The following TIPARP variants were observed in gnomAD, a reference collection of about 807,000 sequenced individuals.
TIPARP encodes the protein protein mono-ADP-ribosyltransferase TIPARP.
TIPARP carries 12 observed loss-of-function variants against 56.5 expected under a neutral mutation model. The ratio of observed to expected loss-of-function variants is 0.21; its 90% confidence interval spans 0.14 to 0.34. The LOEUF (loss-of-function observed/expected upper bound fraction) is 0.34, where lower values mean the gene tolerates loss of function less well. Ranked by LOEUF, TIPARP falls within the 10% of genes least tolerant of loss-of-function variation. The pLI, the probability that TIPARP is intolerant of heterozygous loss-of-function variation, is 1.00. For synonymous variants in TIPARP, 296 were observed against 265.7 expected, an observed-to-expected ratio of 1.11 and a Z score of -1.11; for missense variants, 604 against 781.6, an observed-to-expected ratio of 0.77 and a Z score of 2.71.
rs767237258 is a variant in TIPARP at position 156,678,633 on chromosome 3, T to A, written c.917+19T>A. The A allele has an allele frequency of 3.1e-6, 5 of 1,589,154 alleles. No homozygotes were observed. In the South Asian group the frequency reaches 4.6e-5, roughly 14 times the overall value. On this transcript the variant is annotated intron_variant, in intron 2 of 5. Transcript: ENST00000295924. ...AGTATGGGTATGTATTTATAACAAC[T>A]TGTAGAACTGTTGTTAAATGCTATA... is the stretch of plus-strand genomic sequence containing the variant.
rs1302997783 is a variant in TIPARP at position 156,703,810 on chromosome 3, G to A, written c.1526+108G>A. 1.9e-5 allele frequency: 22 copies of A among 1,180,298 alleles called. No individual in the cohort carries two copies. The East Asian group carries it at 3.9e-4, about 21-fold the overall frequency. 73.1% of individuals were successfully genotyped at this position (1,180,298 alleles called of 1,614,324 possible). On this transcript the variant is annotated intron_variant, in intron 5 of 5. Coordinates refer to ENST00000295924, the MANE Select transcript of TIPARP (RefSeq NM_015508.5). The stretch of plus-strand genomic sequence containing the variant: ...GGGCAGATTACGAGGTCAGGAGATC[G>A]AGACCATCCTAGCTAACACGGTGAA...
At chr3:156,685,132 C>T (rs761293900) in intron 2 of TIPARP, among the ~76,000 whole-genome samples, 2 of 152,178 alleles carry the variant, frequency 1.3e-5, no homozygotes, top group Non-Finnish European at 2.9e-5. Flanking sequence ...AAGTTGATGA[C>T]GTTAGTAAAC....
In TIPARP at chr3:156,693,920, A is replaced by C. The variant is rs75767728; in HGVS notation, c.918-100A>C. 1.0e-4 allele frequency: 128 copies of C among 1,286,286 alleles called. No individual in the cohort carries two copies. The African/African-American group carries it at 1.8e-3, about 18-fold the overall frequency. The allele number at this position is 1,286,286 out of a possible 1,614,324, so 79.7% of individuals were successfully genotyped here. ...AGTTTTGAAAATTCTACAACAGGCT[A>C]TGCTATGTATTTTTAATGTCCAATG... On this transcript the variant is annotated intron_variant, in intron 2 of 5. Transcript: ENST00000295924.
At chr3:156,681,726 A>G (rs1722312673) in intron 2 of TIPARP, among the ~76,000 whole-genome samples, 1 of 152,158 alleles carries the variant, frequency 6.6e-6, no homozygotes, top group South Asian at 2.1e-4. Context: ...TGTTCCTTGT[A>G]ATGAAATTAT....
intron 4 of TIPARP, among the ~76,000 whole-genome samples, chr3:156,697,334 T>C (rs1722739201): frequency 6.6e-6 from 1 of 151,908 alleles, no homozygotes; most frequent in Non-Finnish European, 1.5e-5. Flanking sequence ...AGGGTAAGAA[T>C]GCAAGTTCTG....
intron 2 of TIPARP, 139 bp from the exon 3 acceptor site, chr3:156,693,881 C>T (rs1024600299): frequency 2.0e-6 from 2 of 989,472 alleles, no homozygotes; most frequent in East Asian, 5.6e-5. Context: ...TATGCTTTTA[C>T]TCCAAGTAAA....
rs1013662090 is a variant in TIPARP at position 156,682,719 on chromosome 3, AGAG to A, written c.917+4109_917+4111del. Among the ~76,000 whole-genome samples the A allele has an allele frequency of 6.6e-4, 101 of 152,316 alleles. 1 individual carries two copies. Among genetic ancestry groups the A allele is most frequent in the African/African-American group, 2.1e-3 (86 of 41,576 alleles). On this transcript the variant is annotated intron_variant, in intron 2 of 5. Coordinates refer to ENST00000295924, the MANE Select transcript of TIPARP (RefSeq NM_015508.5). ...TTATGTGTTATTGATAACACTGGAG[AGAG>A]GAGAACAGCTGAAACTTACTATGCC...
chr3:156,704,349 TG>T (rs1199049335), intron 5 of TIPARP, among the ~76,000 whole-genome samples: 1 of 152,108 alleles, frequency 6.6e-6, no homozygotes, highest in African/African-American at 2.4e-5. Context: ...GAAGGACAAA[TG>T]GAGGGAATAC....
intron 4 of TIPARP, among the ~76,000 whole-genome samples, chr3:156,700,724 T>TC (rs1559976821): frequency 6.6e-6 from 1 of 151,984 alleles, no homozygotes; most frequent in South Asian, 2.1e-4. Context: ...GTTTCTTTAA[T>TC]CCCCCCTGAA....
At chr3:156,689,401 G>C (rs1722511811) in intron 2 of TIPARP, among the ~76,000 whole-genome samples, 1 of 152,138 alleles carries the variant, frequency 6.6e-6, no homozygotes. Flanking sequence ...CTCTTGTGCA[G>C]TTCTAATAAC....
intron 2 of TIPARP, among the ~76,000 whole-genome samples, chr3:156,684,418 G>A (rs1261765537): frequency 6.6e-6 from 1 of 152,162 alleles, no homozygotes; most frequent in African/African-American, 2.4e-5. Flanking sequence ...ACCATTTCTA[G>A]GAGCAAACAA....
chr3:156,680,427 A>C (rs1347745305), intron 2 of TIPARP, among the ~76,000 whole-genome samples: 1 of 152,130 alleles, frequency 6.6e-6, no homozygotes, highest in Non-Finnish European at 1.5e-5. Flanking sequence ...GTCAAGGGTA[A>C]TTAATTTTAT....
chr3:156,703,365 A>G, intron 4 of TIPARP, 59 bp from the exon 5 acceptor site: 1 of 1,538,312 alleles, frequency 6.5e-7, no homozygotes, highest in Non-Finnish European at 8.9e-7. Context: ...GATCACTATA[A>G]TGTGAGGTGT....
Position 156,677,908 on chromosome 3 carries a change from G to A in TIPARP, c.211G>A (p.Gly71Arg). The A allele has an allele frequency of 1.2e-6, 2 of 1,614,114 alleles. No individual in the cohort carries two copies. Among genetic ancestry groups the A allele is most frequent in the Non-Finnish European group, 1.7e-6 (2 of 1,180,020 alleles). ...TCTTCTAGAATCTGGCTCACTTGAT[G>A]GGGTTTTTAGATCTAGGAACCAGAG... ...NTLLESGSLD[G>R]VFRSRNQSTD... Residue 71 changes from glycine (G) to arginine (R), a missense_variant, in exon 2 of 6, where the codon GGG becomes AGG. Gly to Arg is a moderately radical substitution (Grantham distance 125). Coordinates refer to ENST00000295924, the MANE Select transcript of TIPARP (RefSeq NM_015508.5).
chr3:156,699,611 G>A (rs1380447798), intron 4 of TIPARP, among the ~76,000 whole-genome samples: 37 of 152,032 alleles, frequency 2.4e-4, no homozygotes, highest in Admixed American at 2.3e-3. Context: ...TATGCACTGG[G>A]ATACTAAAAA....
chr3:156,699,099 G>A (rs1049092906), intron 4 of TIPARP, among the ~76,000 whole-genome samples: 1 of 152,164 alleles, frequency 6.6e-6, no homozygotes, highest in African/African-American at 2.4e-5. Context: ...GGATGCATGA[G>A]GAGTTGCTTC....
chr3:156,694,572 T>C (rs1013232839), intron 3 of TIPARP, among the ~76,000 whole-genome samples: 3 of 152,190 alleles, frequency 2.0e-5, no homozygotes, highest in Non-Finnish European at 2.9e-5. Context: ...AGTGTTACAC[T>C]TAGCATTTTA....
At chr3:156,701,224 A>G (rs1722837096) in intron 4 of TIPARP, among the ~76,000 whole-genome samples, 1 of 152,242 alleles carries the variant, frequency 6.6e-6, no homozygotes, top group South Asian at 2.1e-4. Flanking sequence ...AGCATATGTT[A>G]GTAATAATGG....
At chr3:156,676,525 T>C (rs1722133898) in intron 1 of TIPARP, 1 of 152,234 alleles carries the variant, frequency 6.6e-6, no homozygotes, top group South Asian at 2.1e-4. Context: ...AAAATATATA[T>C]GGAACACCAG....
Sources: gnomAD v4.1 joint callset for allele counts (sites outside exome capture counted in the v4.1 genomes callset) on GRCh38, gnomAD v4.1.1 for gene constraint, MANE v1.5 for transcripts, NCBI Gene and HGNC (gene_info 2026-07-23, HGNC 2026-07-21) for gene names.